Variants in PRG4 observed in about 807,000 individuals in gnomAD.
PRG4 encodes proteoglycan 4, also known as articular superficial zone protein.
PRG4 carries 61 observed loss-of-function variants against 91.2 expected under a neutral mutation model. The observed-to-expected ratio is 0.67, with a 90% CI of 0.54 to 0.83. The LOEUF (loss-of-function observed/expected upper bound fraction) is 0.83, where lower values mean the gene tolerates loss of function less well. PRG4 is among the 40% of genes least tolerant of loss of function. PRG4 has a pLI of 0.00. For synonymous variants in PRG4, 576 were observed against 614.2 expected (o/e 0.94, Z 0.92); for missense variants, 1,564 against 1,714.2 (o/e 0.91, Z 1.55).
In PRG4 at chr1:186,314,064, T is replaced by C. The variant is rs775873674; in HGVS notation, c.*286T>C. ...AAAGAATCAAATTGAATATATCTTT[T>C]AAGAATTCAAAACTAGTGTATTCAC... On this transcript the variant is annotated 3_prime_UTR_variant, in exon 13 of 13. Transcript: ENST00000445192. 1.3e-6 allele frequency: 2 copies of C among 1,587,786 alleles called. No individual in the cohort carries two copies. The highest frequency in any genetic ancestry group is 1.7e-6 in the Non-Finnish European group (2 of 1,165,528).
At position 186,312,221 on chromosome 1, in the gene PRG4, G is replaced by C. The variant is rs1657306520; in HGVS notation, c.3840G>C (p.Lys1280Asn). ...QYIYKQEPVQ[K>N]CPGRRPALNY... ...TTTATAAACAGGAACCTGTACAGAA[G>C]TGCCCTGGAAGAAGGCCTGCTCTAA... The change falls in exon 11 of 13, where the codon AAG becomes AAC. Residue 1280 changes from lysine (K) to asparagine (N), a missense_variant. Transcript: ENST00000445192. 6.2e-7 allele frequency: 1 copy of C among 1,613,908 alleles called. No homozygotes were observed. The highest frequency in any genetic ancestry group is 1.7e-5 in the Admixed American group (1 of 59,996).
intron 10 of PRG4, chr1:186,311,899 T>C (rs1657267954): frequency 1.8e-6 from 1 of 540,998 alleles, no homozygotes; most frequent in Non-Finnish European, 3.3e-6. Flanking sequence ...ATCATTCCAG[T>C]TTTAGTATAT....
intron 6 of PRG4, among the ~76,000 whole-genome samples, chr1:186,305,408 A>G (rs781664552): frequency 6.6e-6 from 1 of 152,144 alleles, no homozygotes; most frequent in Non-Finnish European, 1.5e-5. Flanking sequence ...CTAGTAACTT[A>G]TATATTATAT....
chr1:186,303,972 G>A (rs995266435), intron 4 of PRG4, 136 bp from the exon 5 acceptor site: 29 of 873,108 alleles, frequency 3.3e-5, no homozygotes, highest in African/African-American at 1.5e-4. Flanking sequence ...GGAGTCATTC[G>A]TGTTGAGCTG....
At chr1:186,312,511 C>T (rs1657341188) in intron 11 of PRG4, 139 bp downstream of exon 11, 1 of 919,806 alleles carries the variant, frequency 1.1e-6, no homozygotes, top group Non-Finnish European at 1.6e-6. Context: ...AACTCATCCA[C>T]TTGCCTTAGT....
At position 186,307,746 on chromosome 1, in the gene PRG4, C is replaced by G. The variant is rs769965175; in HGVS notation, c.2027C>G (p.Thr676Ser). The G allele has an allele frequency of 3.7e-6, 6 of 1,610,408 alleles. No homozygotes were observed. The highest frequency in any genetic ancestry group is 4.2e-6 in the Non-Finnish European group (5 of 1,178,320). The change falls in exon 7 of 13, where the codon ACC (threonine) becomes AGC (serine). Residue 676 changes from threonine to serine, a missense_variant. Thr to Ser is a moderately conservative substitution (Grantham distance 58). Transcript: ENST00000445192. The stretch of plus-strand genomic sequence containing the variant: ...ACTCCCAAGGCAGCGGCTCCCAACA[C>G]CCCTAAGGAGCCTGCTCCAACTACC... Reference protein sequence around the residue: ...PTTPKAAAPNTPKEPAPTTPK... With the variant: ...PTTPKAAAPNSPKEPAPTTPK...
chr1:186,307,334 CCCA>C lies in PRG4; in HGVS notation c.1620_1622del (p.Thr542del). ...ACCCACCACTACCAAGGAGCCTGCA[CCCA>C]CCACTACCAAGTCTGCACCCACCAC... On this transcript the variant is annotated inframe_deletion, in exon 7 of 13. Coordinates refer to ENST00000445192, the MANE Select transcript of PRG4 (RefSeq NM_005807.6). The C allele has an allele frequency of 5.0e-6, 8 of 1,591,504 alleles. No homozygotes were observed. Among genetic ancestry groups the C allele is most frequent in the Non-Finnish European group, 6.8e-6 (8 of 1,172,152 alleles).
At chr1:186,310,135 T>TTTG in intron 8 of PRG4, among the ~76,000 whole-genome samples, 1 of 86,368 alleles carries the variant, frequency 1.2e-5, no homozygotes, top group African/African-American at 4.0e-5. Flanking sequence ...TCATTTTTTT[T>TTTG]GGGGGGGGGG....
intron 2 of PRG4, among the ~76,000 whole-genome samples, chr1:186,299,013 C>T (rs1325498206): frequency 1.3e-5 from 2 of 152,138 alleles, no homozygotes; most frequent in African/African-American, 4.8e-5. Context: ...TTCCTGGACT[C>T]TATTCTTTTA....
At position 186,311,011 on chromosome 1, in the gene PRG4, T is replaced by C. The variant is rs772344734; in HGVS notation, c.3500-23T>C. ...TAGGTTTAGCATTCAGCTTGTAGGC[T>C]GATGTCTTTCCTTAAATTTTAGGTC... is the stretch of plus-strand genomic sequence containing the variant. On this transcript the variant is annotated intron_variant, in intron 8 of 12. Coordinates refer to ENST00000445192, the MANE Select transcript of PRG4 (RefSeq NM_005807.6). 6 of 1,613,820 alleles carry C rather than the reference T, an allele frequency of 3.7e-6. No homozygotes were observed. In the East Asian group the frequency reaches 8.9e-5, roughly 24 times the overall value.
intron 12 of PRG4, 59 bp downstream of exon 12, chr1:186,312,953 TAAAGTAAAAA>T (rs1657393958): frequency 6.5e-7 from 1 of 1,543,618 alleles, no homozygotes; most frequent in Non-Finnish European, 9.0e-7. Flanking sequence ...AACATGAAGA[TAAAGTAAAAA>T]TGCTGGCTGC....
Position 186,307,687 on chromosome 1 carries a change from C to G in PRG4, c.1968C>G (p.Pro656=). 2.5e-6 allele frequency: 4 copies of G among 1,585,880 alleles called. No individual in the cohort carries two copies. The highest frequency in any genetic ancestry group is 3.4e-6 in the Non-Finnish European group (4 of 1,167,024). The change falls in exon 7 of 13, where the codon CCC becomes CCG. Residue 656 remains proline (P), a synonymous_variant. Transcript: ENST00000445192. ...EELAPTTPEE[P]TPTTPEEPAP... is the part of the protein sequence containing the mutation. Reference sequence around the variant, plus strand: ...TCGCACCCACCACCCCTGAGGAGCCCACACCCACCACCCCTGAGGAGCCTG... The same window carrying G: ...TCGCACCCACCACCCCTGAGGAGCCGACACCCACCACCCCTGAGGAGCCTG...
At chr1:186,304,943 C>A in intron 6 of PRG4, 21 bp downstream of exon 6, 1 of 1,608,798 alleles carries the variant, frequency 6.2e-7, no homozygotes, top group South Asian at 1.1e-5. Flanking sequence ...TGATAAAGAT[C>A]AAAGACTGTA....
At position 186,304,251 on chromosome 1, in the gene PRG4, A is replaced by C; in HGVS notation, c.463A>C (p.Thr155Pro). Reference protein sequence around the residue: ...TKKVIESEEITEEHSVSENQE... With the variant: ...TKKVIESEEIPEEHSVSENQE... Reference sequence around the variant, plus strand: ...GAAAGTTATAGAATCAGAGGAAATAACAGAAGGTAGGAAGATGACAGATAT... The same window carrying C: ...GAAAGTTATAGAATCAGAGGAAATACCAGAAGGTAGGAAGATGACAGATAT... The change falls in exon 5 of 13, where the codon ACA becomes CCA. Residue 155 changes from threonine (T) to proline (P), a missense_variant. Physicochemically the swap from Thr to Pro is conservative, Grantham distance 38. Coordinates refer to ENST00000445192, the MANE Select transcript of PRG4 (RefSeq NM_005807.6). The C allele has an allele frequency of 1.2e-6, 2 of 1,613,090 alleles. No individual in the cohort carries two copies. The highest frequency in any genetic ancestry group is 1.7e-6 in the Non-Finnish European group (2 of 1,179,084).
At chr1:186,312,709 T>C in intron 11 of PRG4, 60 bp from the exon 12 acceptor site, 1 of 1,562,080 alleles carries the variant, frequency 6.4e-7, no homozygotes, top group South Asian at 1.1e-5. Flanking sequence ...TGTCTGGCTC[T>C]TTCCAAGATA....
At position 186,308,317 on chromosome 1, in the gene PRG4, T is replaced by C; in HGVS notation, c.2598T>C (p.Pro866=). The C allele has an allele frequency of 6.2e-7, 1 of 1,613,930 alleles. No homozygotes were observed. Among genetic ancestry groups the C allele is most frequent in the African/African-American group, 1.3e-5 (1 of 75,012 alleles). The part of the protein sequence containing the change: ...EVSTPTTTKE[P]TTIHKSPDES... ...CTACTCCAACTACCACCAAGGAGCC[T>C]ACCACTATCCACAAAAGCCCTGATG... The change falls in exon 7 of 13, where the codon CCT becomes CCC. Residue 866 remains proline (P), a synonymous_variant. Transcript: ENST00000445192.
At chr1:186,311,746 CT>C in intron 10 of PRG4, 150 bp downstream of exon 10, 1 of 796,690 alleles carries the variant, frequency 1.3e-6, no homozygotes, top group Non-Finnish European at 2.0e-6. Flanking sequence ...GGGTAGTATT[CT>C]TATTGCCCTC....
Position 186,306,484 on chromosome 1 carries a change from A to G in PRG4, c.765A>G (p.Ala255=), listed in dbSNP as rs771710320. 2.5e-6 allele frequency: 4 copies of G among 1,613,732 alleles called. No homozygotes were observed. In the South Asian group the frequency reaches 3.3e-5, roughly 13 times the overall value. Reference sequence around the variant, plus strand: ...GCACATCTCCCAAGATCACAACAGCAAAACCAATAAATCCCAGACCCAGTC... The same window carrying G: ...GCACATCTCCCAAGATCACAACAGCGAAACCAATAAATCCCAGACCCAGTC... ...KVSTSPKITT[A]KPINPRPSLP... is the part of the protein sequence containing the mutation. Residue 255 remains alanine (A), a synonymous_variant, in exon 7 of 13, where the codon GCA becomes GCG. Transcript: ENST00000445192.
In PRG4 at chr1:186,313,698, G is replaced by C; in HGVS notation, c.4135G>C (p.Asp1379His). The change falls in exon 13 of 13, where the codon GAT becomes CAT. Residue 1379 changes from aspartate to histidine, a missense_variant. Around this residue, in one of 3 missense-constraint regions of PRG4, gnomAD observed 1,079 missense variants for 1,162.2 expected, o/e 0.93. Coordinates refer to ENST00000445192, the MANE Select transcript of PRG4 (RefSeq NM_005807.6). The part of the protein sequence containing the change: ...AFSKDQYYNI[D>H]VPSRTARAIT... ...CCATTTAGATCAATACTATAACATTGATGTGCCTAGTAGAACAGCAAGAGC... is the reference window on the plus strand; with the variant it reads ...CCATTTAGATCAATACTATAACATTCATGTGCCTAGTAGAACAGCAAGAGC... 6.2e-7 allele frequency: 1 copy of C among 1,602,432 alleles called. No individual in the cohort carries two copies. Among genetic ancestry groups the C allele is most frequent in the Non-Finnish European group, 8.5e-7 (1 of 1,169,642 alleles).
Sources: gnomAD v4.1 joint callset for allele counts (sites outside exome capture counted in the v4.1 genomes callset) on GRCh38, gnomAD v4.1.1 for gene constraint, gnomAD v4.1.1 regional missense constraint, MANE v1.5 for transcripts, NCBI Gene and HGNC (gene_info 2026-07-23, HGNC 2026-07-21) for gene names.